MCPH1: variants seen among roughly 807,000 people sequenced by gnomAD.
MCPH1 encodes microcephalin.
MCPH1 carries 104 observed loss-of-function variants against 84.5 expected under a neutral mutation model. That is an observed-to-expected ratio of 1.23 (90% CI 1.05 to 1.45). MCPH1 has a LOEUF of 1.45. Ranked by LOEUF, MCPH1 falls within the 40% of genes most tolerant of loss-of-function variation. The probability of loss-of-function intolerance (pLI) is 0.00; values close to 1 mark genes in which losing one functional copy is unlikely to be tolerated. For synonymous variants in MCPH1, 514 were observed against 366.8 expected (o/e 1.40, Z -4.58); for missense variants, 1,498 against 1,005.7 (o/e 1.49, Z -6.62).
intron 12 of MCPH1, among the ~76,000 whole-genome samples, chr8:6,601,725 C>A (rs1228050138): frequency 1.4e-5 from 2 of 145,844 alleles, no homozygotes; most frequent in Non-Finnish European, 3.0e-5. Flanking sequence ...ACACACACAC[C>A]CAATCACATA....
At chr8:6,453,436 G>C (rs562345254) in intron 8 of MCPH1, among the ~76,000 whole-genome samples, 5 of 150,292 alleles carry the variant, frequency 3.3e-5, no homozygotes, top group South Asian at 4.2e-4. Context: ...AGTTTTAAAA[G>C]ATTGTGTTGC....
intron 12 of MCPH1, among the ~76,000 whole-genome samples, chr8:6,506,938 T>C (rs907895841): frequency 1.3e-5 from 2 of 152,062 alleles, no homozygotes; most frequent in Admixed American, 6.6e-5. Context: ...ACTCTTGTCG[T>C]CCAGGCTGGA....
intron 5 of MCPH1, among the ~76,000 whole-genome samples, chr8:6,436,666 T>G (rs2129554640): frequency 6.6e-6 from 1 of 150,960 alleles, no homozygotes; most frequent in Non-Finnish European, 1.5e-5. Flanking sequence ...TAAATAATAT[T>G]TTTATATATA....
At chr8:6,527,588 G>C in intron 12 of MCPH1, 2 of 1,613,916 alleles carry the variant, frequency 1.2e-6, no homozygotes, top group Non-Finnish European at 8.5e-7. Context: ...TATTTCACTG[G>C]TCTGGTCCAA....
chr8:6,601,955 T>C (rs1829408127), intron 12 of MCPH1, among the ~76,000 whole-genome samples: 1 of 152,248 alleles, frequency 6.6e-6, no homozygotes, highest in Non-Finnish European at 1.5e-5. Flanking sequence ...GGGTAATCAG[T>C]GTACCATAGT....
chr8:6,507,448 T>C (rs1204501700), intron 12 of MCPH1: 1 of 152,202 alleles, frequency 6.6e-6, no homozygotes, highest in Non-Finnish European at 1.5e-5. Context: ...TCTTTCAGTG[T>C]TTTTCAAGAA....
chr8:6,574,241 G>C (rs1332952050), intron 12 of MCPH1, among the ~76,000 whole-genome samples: 1 of 152,186 alleles, frequency 6.6e-6, no homozygotes, highest in Admixed American at 6.5e-5. Flanking sequence ...GTCTGTAATT[G>C]AGGCATCAGC....
At chr8:6,611,864 C>A (rs560878143) in intron 12 of MCPH1, among the ~76,000 whole-genome samples, 117 of 152,236 alleles carry the variant, frequency 7.7e-4, no homozygotes, top group African/African-American at 2.4e-3. Flanking sequence ...GTGATCCACC[C>A]ACCTCGGCCT....
At chr8:6,638,174 A>AC (rs986023573) in intron 13 of MCPH1, among the ~76,000 whole-genome samples, 97 of 152,238 alleles carry the variant, frequency 6.4e-4, no homozygotes, top group African/African-American at 2.3e-3. Flanking sequence ...AATATTTGTA[A>AC]CCTGCTGGGC....
intron 3 of MCPH1, among the ~76,000 whole-genome samples, chr8:6,420,848 C>T (rs1462906776): frequency 6.6e-6 from 1 of 152,064 alleles, no homozygotes; most frequent in East Asian, 1.9e-4. Context: ...CTTGCTTCCT[C>T]AAAAGAAAGA....
At chr8:6,484,207 C>A (rs1005924833) in intron 11 of MCPH1, among the ~76,000 whole-genome samples, 1 of 151,990 alleles carries the variant, frequency 6.6e-6, no homozygotes, top group African/African-American at 2.4e-5. Flanking sequence ...TAATACTGAA[C>A]AATAAGAAAA....
rs970136870 is a variant in MCPH1 at position 6,445,769 on chromosome 8, C to G, written c.1825+222C>G. ...CTTATTGGTTAAGTCTGTTAGGAAT[C>G]TATTTCTCCAAGACTTTTCCTTCTT... is the stretch of plus-strand genomic sequence containing the variant. On this transcript the variant is annotated intron_variant, in intron 8 of 13. Transcript: ENST00000344683. The G allele has an allele frequency of 2.2e-6, 3 of 1,335,342 alleles. No individual in the cohort carries two copies. The African/African-American group carries it at 4.4e-5, about 20-fold the overall frequency. 82.7% of individuals were successfully genotyped at this position (1,335,342 alleles called of 1,614,324 possible).
chr8:6,635,904 G>A (rs1039654889), intron 13 of MCPH1, among the ~76,000 whole-genome samples: 7 of 152,180 alleles, frequency 4.6e-5, no homozygotes, highest in African/African-American at 1.4e-4. Context: ...AGCTGATTGC[G>A]GTCTCTGCTG....
At chr8:6,438,852 A>G (rs1052824463) in intron 5 of MCPH1, 101 bp from the exon 6 acceptor site, 2 of 1,051,872 alleles carry the variant, frequency 1.9e-6, no homozygotes, top group African/African-American at 1.6e-5. Context: ...GAAAGGGAAG[A>G]AGGAAAACGG....
At chr8:6,560,084 A>G (rs1265474896) in intron 12 of MCPH1, among the ~76,000 whole-genome samples, 3 of 152,220 alleles carry the variant, frequency 2.0e-5, no homozygotes, top group Admixed American at 6.5e-5. Flanking sequence ...TTGCCCTAAA[A>G]TGAACCAGAA....
chr8:6,608,101 C>G (rs961588436), intron 12 of MCPH1, among the ~76,000 whole-genome samples: 1 of 152,112 alleles, frequency 6.6e-6, no homozygotes, highest in African/African-American at 2.4e-5. Flanking sequence ...GGACTCCAGC[C>G]TCAGCAGAGG....
chr8:6,532,570 T>C, intron 12 of MCPH1: 1 of 761,798 alleles, frequency 1.3e-6, no homozygotes, highest in Non-Finnish European at 1.8e-6. Context: ...CTCCTCCCTA[T>C]CTTTAAAAAA....
chr8:6,600,479 G>A (rs117483935), intron 12 of MCPH1, among the ~76,000 whole-genome samples: 2,954 of 152,282 alleles, frequency 0.019, 48 homozygotes, highest in Non-Finnish European at 0.028. Context: ...TGGGGATTGG[G>A]GCGGCACTGG....
At position 6,480,834 on chromosome 8, in the gene MCPH1, G is replaced by T. The variant is rs759720987; in HGVS notation, c.2094G>T (p.Leu698=). Residue 698 remains leucine, a synonymous_variant, in exon 11 of 14, where the codon CTG becomes CTT. Transcript: ENST00000344683. The stretch of plus-strand genomic sequence containing the variant: ...AGCCACTTCGCACCCTGAATGTGCT[G>T]CTGGGAATTGCGCGTGGCTGCTGGG... ...SGKPLRTLNV[L]LGIARGCWVL... 2.5e-6 allele frequency: 4 copies of T among 1,614,098 alleles called. No individual in the cohort carries two copies. The highest frequency in any genetic ancestry group is 2.2e-5 in the South Asian group (2 of 91,094).
Sources: gnomAD v4.1 joint callset for allele counts (sites outside exome capture counted in the v4.1 genomes callset) on GRCh38, gnomAD v4.1.1 for gene constraint, MANE v1.5 for transcripts, NCBI Gene and HGNC (gene_info 2026-07-23, HGNC 2026-07-21) for gene names.